Variants in ELF2 observed in about 807,000 individuals in gnomAD.
ELF2 encodes the protein ETS-related transcription factor Elf-2.
A neutral mutation model predicts 54.8 loss-of-function variants in ELF2; 11 were observed. The observed-to-expected ratio is 0.20, with a 90% confidence interval of 0.13 to 0.33. ELF2 has a LOEUF of 0.33. Among genes scored for constraint, ELF2 ranks in the 10% least tolerant of loss-of-function variants. The probability of loss-of-function intolerance (pLI) is 1.00; values close to 1 mark genes in which losing one functional copy is unlikely to be tolerated. For synonymous variants in ELF2, 203 were observed against 245.1 expected (o/e 0.83, Z 1.61); for missense variants, 513 against 703.0 (o/e 0.73, Z 3.06).
chr4:139,077,135 T>C (rs1730420660), intron 4 of ELF2, among the ~76,000 whole-genome samples: 1 of 152,142 alleles, frequency 6.6e-6, no homozygotes, highest in African/African-American at 2.4e-5. Flanking sequence ...CTACTATAGG[T>C]TGGGCATGCC....
At chr4:139,070,764 T>G (rs774369880) in intron 6 of ELF2, among the ~76,000 whole-genome samples, 14 of 152,220 alleles carry the variant, frequency 9.2e-5, no homozygotes, top group Non-Finnish European at 1.9e-4. Flanking sequence ...TGTATACCTC[T>G]CTTGAGATGC....
chr4:139,119,986 C>CTGCT (rs1736150220), intron 4 of ELF2, among the ~76,000 whole-genome samples: 1 of 152,158 alleles, frequency 6.6e-6, no homozygotes, highest in Admixed American at 6.5e-5. Flanking sequence ...ATTGGGCAGG[C>CTGCT]TGCTCTCGAA....
At chr4:139,156,849 G>A (rs1460566969) in intron 1 of ELF2, among the ~76,000 whole-genome samples, 7 of 152,034 alleles carry the variant, frequency 4.6e-5, no homozygotes, top group South Asian at 2.1e-4. Context: ...GGCCAGGCTG[G>A]TCTCGAACTC....
chr4:139,156,808 A>G (rs1172220403), intron 1 of ELF2, among the ~76,000 whole-genome samples: 1 of 151,760 alleles, frequency 6.6e-6, no homozygotes, highest in East Asian at 1.9e-4. Flanking sequence ...TAATTTTTGT[A>G]TTTTTAGTAG....
At chr4:139,085,408 A>G (rs1339050619) in intron 4 of ELF2, among the ~76,000 whole-genome samples, 3 of 152,224 alleles carry the variant, frequency 2.0e-5, no homozygotes, top group Non-Finnish European at 4.4e-5. Flanking sequence ...TGGCATTACA[A>G]ATTTAAAATA....
At chr4:139,094,486 C>T (rs749937928) in intron 4 of ELF2, among the ~76,000 whole-genome samples, 11 of 152,020 alleles carry the variant, frequency 7.2e-5, no homozygotes, top group Non-Finnish European at 1.2e-4. Context: ...AGAAAGGTAA[C>T]GTGGTGGATG....
intron 2 of ELF2, among the ~76,000 whole-genome samples, chr4:139,138,415 CAA>C (rs576340729): frequency 3.2e-5 from 4 of 125,506 alleles, no homozygotes; most frequent in Non-Finnish European, 1.7e-5. Flanking sequence ...GATTCCACCT[CAA>C]AAAAAAAAAA....
chr4:139,091,277 A>G (rs1244210720), intron 4 of ELF2, among the ~76,000 whole-genome samples: 1 of 150,380 alleles, frequency 6.6e-6, no homozygotes, highest in African/African-American at 2.5e-5. Context: ...AGGAAATCAT[A>G]AAGAAACTAA....
chr4:139,125,219 A>G lies in ELF2; in HGVS notation c.183T>C (p.Tyr61=), dbSNP rs779131726. Residue 61 remains tyrosine, a synonymous_variant, in exon 4 of 10, where the codon TAT becomes TAC. Coordinates refer to ENST00000686138, the MANE Select transcript of ELF2 (RefSeq NM_001331036.3). ...GTTCTTCTGCCACATCTTGCATCATATAAGTCTCATCATCATAAACCAGAA... is the reference window on the plus strand; with the variant it reads ...GTTCTTCTGCCACATCTTGCATCATGTAAGTCTCATCATCATAAACCAGAA... The part of the protein sequence containing the change: ...AQVLVYDDET[Y]MMQDVAEEQE... The G allele has an allele frequency of 1.4e-5, 22 of 1,613,808 alleles. No individual in the cohort carries two copies. Among genetic ancestry groups the G allele is most frequent in the Admixed American group, 8.3e-5 (5 of 59,944 alleles).
intron 1 of ELF2, among the ~76,000 whole-genome samples, chr4:139,172,369 T>C (rs1742394573): frequency 1.3e-5 from 2 of 152,324 alleles, no homozygotes; most frequent in Non-Finnish European, 1.5e-5. Context: ...TGAGTGCCAT[T>C]CTGAGCAGCA....
At chr4:139,098,768 G>T (rs1182179452) in intron 4 of ELF2, among the ~76,000 whole-genome samples, 1 of 152,070 alleles carries the variant, frequency 6.6e-6, no homozygotes, top group East Asian at 1.9e-4. Flanking sequence ...GTGCCCGGCC[G>T]ATATTTTTAA....
intron 6 of ELF2, among the ~76,000 whole-genome samples, chr4:139,069,358 GT>G (rs1729184922): frequency 6.6e-6 from 1 of 152,114 alleles, no homozygotes; most frequent in African/African-American, 2.4e-5. Context: ...TCAGAAGTCT[GT>G]TTTAACAAAA....
chr4:139,132,859 T>C (rs868685625), intron 3 of ELF2, among the ~76,000 whole-genome samples: 2,145 of 140,918 alleles, frequency 0.015, 82 homozygotes, highest in African/African-American at 0.054. Context: ...TATATATATA[T>C]ATATATATAT....
chr4:139,068,694 AG>A (rs1407559468), intron 6 of ELF2, among the ~76,000 whole-genome samples: 1 of 152,218 alleles, frequency 6.6e-6, no homozygotes, highest in African/African-American at 2.4e-5. Context: ...CACAATGAAT[AG>A]AAAAAGTAAG....
At chr4:139,111,919 G>A (rs1734983772) in intron 4 of ELF2, among the ~76,000 whole-genome samples, 1 of 152,110 alleles carries the variant, frequency 6.6e-6, no homozygotes, top group African/African-American at 2.4e-5. Flanking sequence ...GAGAAACCAA[G>A]GAGTTCAGAC....
chr4:139,124,963 G>A (rs751267664), intron 4 of ELF2, among the ~76,000 whole-genome samples: 45 of 152,084 alleles, frequency 3.0e-4, no homozygotes, highest in Non-Finnish European at 4.7e-4. Context: ...CATGATATGA[G>A]ACTGTTACAC....
At chr4:139,086,061 A>C (rs904212264) in intron 4 of ELF2, among the ~76,000 whole-genome samples, 2 of 152,226 alleles carry the variant, frequency 1.3e-5, no homozygotes, top group Non-Finnish European at 2.9e-5. Flanking sequence ...AAGTTATAAA[A>C]AAAGTTAAAT....
At chr4:139,123,111 G>A (rs1736556031) in intron 4 of ELF2, among the ~76,000 whole-genome samples, 1 of 151,140 alleles carries the variant, frequency 6.6e-6, no homozygotes, top group Admixed American at 6.6e-5. Flanking sequence ...TTGAACCCGG[G>A]AGGCAGGGGT....
rs775139559 is a variant in ELF2 at position 139,059,080 on chromosome 4, T to C, written c.1685A>G (p.Asn562Ser). 2 of 1,614,002 alleles carry C rather than the reference T, an allele frequency of 1.2e-6. No homozygotes were observed. Among genetic ancestry groups the C allele is most frequent in the Non-Finnish European group, 1.7e-6 (2 of 1,179,852 alleles). Reference protein sequence around the residue: ...QLVEEKPADGNKTVTHVVVVS... With the variant: ...QLVEEKPADGSKTVTHVVVVS... ...AACCACTACGTGGGTCACTGTCTTA[T>C]TTCCATCTGCTGGTTTTTCTTCTAC... Residue 562 changes from asparagine to serine, a missense_variant, in exon 10 of 10, where the codon AAT becomes AGT. Asn to Ser is a conservative substitution (Grantham distance 46). Around this residue, in one of 3 missense-constraint regions of ELF2, gnomAD observed 291 missense variants for 366.1 expected, o/e 0.79. Transcript: ENST00000686138.
Sources: allele counts gnomAD v4.1 joint callset (sites outside exome capture counted in the v4.1 genomes callset), GRCh38; gene constraint gnomAD v4.1.1; regional missense constraint gnomAD v4.1.1; transcripts MANE v1.5; gene names NCBI Gene and HGNC (gene_info 2026-07-23, HGNC 2026-07-21).